The following TMEM35B variants were observed in gnomAD, a reference collection of about 807,000 sequenced individuals.
TMEM35B encodes the protein transmembrane protein 35B.
Under a neutral mutation model 8.7 loss-of-function variants are expected in TMEM35B, and 6 were observed. The observed-to-expected ratio is 0.69, with a 90% CI of 0.38 to 1.36. TMEM35B has a LOEUF of 1.36. TMEM35B is among the 40% of genes most tolerant of loss of function. The pLI is 0.02. For synonymous variants in TMEM35B, 89 were observed against 87.0 expected (o/e 1.02, Z -0.13); for missense variants, 176 against 181.6 (o/e 0.97, Z 0.18).
At chr1:34,983,306 T>A (rs1268831806) in intron 2 of TMEM35B, among the ~76,000 whole-genome samples, 1 of 152,016 alleles carries the variant, frequency 6.6e-6, no homozygotes, top group Non-Finnish European at 1.5e-5. Flanking sequence ...AGGCCGGGCA[T>A]AGTGGCTCAA....
Position 34,985,186 on chromosome 1 carries a change from C to G in TMEM35B, c.108+12G>C. 1 of 1,530,478 alleles carries G rather than the reference C, an allele frequency of 6.5e-7. No homozygotes were observed. 94.8% of individuals were successfully genotyped at this position (1,530,478 alleles called of 1,614,324 possible). On this transcript the variant is annotated intron_variant, in intron 1 of 2. Coordinates refer to ENST00000373337, the Ensembl canonical transcript of TMEM35B. ...CGGGCCCGATCCCCTGCCGCCCGCC[C>G]GCGCCGCTCACCATCCGCTCCGAAA...
chr1:34,985,151 C>A, intron 1 of TMEM35B, 47 bp downstream of exon 1: 4 of 1,454,758 alleles, frequency 2.7e-6, no homozygotes, highest in Non-Finnish European at 2.8e-6. Flanking sequence ...GGGCGGAGCA[C>A]ACGCCGCCGC....
Position 34,985,189 on chromosome 1 carries a change from G to A in TMEM35B, c.108+9C>T. On this transcript the variant is annotated intron_variant, in intron 1 of 2. Transcript: ENST00000373337. ...GCCCGATCCCCTGCCGCCCGCCCGCGCCGCTCACCATCCGCTCCGAAACTG... is the reference window on the plus strand; with the variant it reads ...GCCCGATCCCCTGCCGCCCGCCCGCACCGCTCACCATCCGCTCCGAAACTG... 1.3e-6 allele frequency: 2 copies of A among 1,528,846 alleles called. No homozygotes were observed. The highest frequency in any genetic ancestry group is 2.4e-5 in the South Asian group (2 of 82,516). 94.7% of individuals were successfully genotyped at this position (1,528,846 alleles called of 1,614,324 possible).
intron 2 of TMEM35B, among the ~76,000 whole-genome samples, chr1:34,983,300 C>T (rs1228977466): frequency 1.3e-5 from 2 of 152,032 alleles, no homozygotes; most frequent in African/African-American, 2.4e-5. Context: ...TGTGCTAGGC[C>T]GGGCATAGTG....
At chr1:34,981,753 G>T in exon 3 of TMEM35B, 1 of 396,146 alleles carries the variant, frequency 2.5e-6, no homozygotes, top group South Asian at 8.5e-5. Flanking sequence ...CATGAGGAAT[G>T]TTAATATGCA....
chr1:34,982,553 A>G (rs1288254001), intron 2 of TMEM35B, among the ~76,000 whole-genome samples: 1 of 146,518 alleles, frequency 6.8e-6, no homozygotes, highest in Admixed American at 7.1e-5. Flanking sequence ...TAGCTGGGCT[A>G]CTGGGTTCTG....
intron 1 of TMEM35B, among the ~76,000 whole-genome samples, chr1:34,984,451 C>T (rs1047529399): frequency 1.3e-5 from 2 of 152,216 alleles, no homozygotes; most frequent in Admixed American, 1.3e-4. Context: ...GTTCCCACTC[C>T]TCAGCTCTAC....
At chr1:34,981,772 A>G (rs1640509092) in exon 3 of TMEM35B, 3 of 480,322 alleles carry the variant, frequency 6.2e-6, no homozygotes, top group Middle Eastern at 5.7e-4. Context: ...CATAACATGT[A>G]CTCCTCACAA....
chr1:34,985,089 T>G, intron 1 of TMEM35B, 109 bp downstream of exon 1: 2 of 812,764 alleles, frequency 2.5e-6, no homozygotes, highest in Non-Finnish European at 3.5e-6. Context: ...CAGCTCCAGC[T>G]GAGCCTCGGA....
chr1:34,985,027 G>A lies in TMEM35B; in HGVS notation c.108+171C>T, dbSNP rs565601888. Among the ~76,000 whole-genome samples, 9 of 152,226 alleles carry A rather than the reference G, an allele frequency of 5.9e-5. No individual in the cohort carries two copies. In the East Asian group the frequency reaches 9.7e-4, roughly 16 times the overall value. ...TCTAGGGAAGATCCAGAGAACTCGA[G>A]GAACTCCCCAGGCAGGACCTGCGCC... On this transcript the variant is annotated intron_variant, in intron 1 of 2. Coordinates refer to ENST00000373337, the Ensembl canonical transcript of TMEM35B.
At chr1:34,982,183 G>T in intron 2 of TMEM35B, 64 bp from the exon 3 acceptor site, 3 of 1,453,562 alleles carry the variant, frequency 2.1e-6, no homozygotes, top group East Asian at 2.5e-5. Flanking sequence ...GGAGCTCAGG[G>T]CTCTCTAGTT....
chr1:34,984,669 CTTCCGAGAGAGGCTTCCCTCTCTGGG>C (rs1476264263), intron 1 of TMEM35B, among the ~76,000 whole-genome samples: 3 of 152,172 alleles, frequency 2.0e-5, no homozygotes, highest in Non-Finnish European at 4.4e-5. Context: ...CCCTCTCAGG[CTTCCGAGAGAGGCTTCCCTCTCTGGG>C]TTCCGAGTTA....
intron 2 of TMEM35B, 101 bp from the exon 3 acceptor site, chr1:34,982,220 C>G: frequency 9.3e-7 from 1 of 1,071,194 alleles, no homozygotes; most frequent in South Asian, 1.8e-5. Flanking sequence ...AGCCCAAGCC[C>G]TCCCATTAAA....
rs1044394344 is a variant in TMEM35B, at chr1:34,983,980, T to A, written c.109-33A>T. 3 of 1,433,192 alleles carry A rather than the reference T, an allele frequency of 2.1e-6. No individual in the cohort carries two copies. In the African/African-American group the frequency reaches 4.3e-5, roughly 21 times the overall value. The allele number at this position is 1,433,192 out of a possible 1,614,324, so 88.8% of individuals were successfully genotyped here. On this transcript the variant is annotated intron_variant, in intron 1 of 2. Transcript: ENST00000373337. The stretch of plus-strand genomic sequence containing the variant: ...TGGCAAGGAATGCCTGTTAGCCTCA[T>A]TGTTCAACAAGGATGAGCTCCCCAG...
At position 34,984,370 on chromosome 1, in the gene TMEM35B, T is replaced by C. The variant is rs185543873; in HGVS notation, c.109-423A>G. On this transcript the variant is annotated intron_variant, in intron 1 of 2. Coordinates refer to ENST00000373337, the Ensembl canonical transcript of TMEM35B. Reference sequence around the variant, plus strand: ...GAGTTAGGTGGGCTCAAAGTGACTCTTCTTGTCAAGGCAGGCCCTCCCCTG... The same window carrying C: ...GAGTTAGGTGGGCTCAAAGTGACTCCTCTTGTCAAGGCAGGCCCTCCCCTG... Among the ~76,000 whole-genome samples the C allele has an allele frequency of 2.8e-4, 43 of 152,346 alleles. No homozygotes were observed. The East Asian group carries it at 6.4e-3, about 23-fold the overall frequency.
chr1:34,981,539 G>C (rs1433856847), exon 3 of TMEM35B: 1 of 152,894 alleles, frequency 6.5e-6, no homozygotes, highest in African/African-American at 2.4e-5. Flanking sequence ...ATGAAACAGT[G>C]TTATAGTTTA....
intron 2 of TMEM35B, among the ~76,000 whole-genome samples, chr1:34,983,174 C>G (rs1393148979): frequency 6.6e-6 from 1 of 152,134 alleles, no homozygotes; most frequent in Non-Finnish European, 1.5e-5. Context: ...GGAGCAGAGG[C>G]GCTGAGCTTG....
intron 2 of TMEM35B, among the ~76,000 whole-genome samples, chr1:34,982,376 CG>C (rs1218701252): frequency 6.6e-6 from 1 of 150,980 alleles, no homozygotes; most frequent in Non-Finnish European, 1.5e-5. Flanking sequence ...AAGAAAGAAA[CG>C]GGAATGACCC....
exon 3 of TMEM35B, chr1:34,981,989 G>A: frequency 6.5e-7 from 1 of 1,549,650 alleles, no homozygotes; most frequent in Non-Finnish European, 8.7e-7. Flanking sequence ...TCTTCCTAGT[G>A]GGTCTGACCA....
Sources: allele counts gnomAD v4.1 joint callset (sites outside exome capture counted in the v4.1 genomes callset), GRCh38; gene constraint gnomAD v4.1.1; transcripts MANE v1.5; gene names NCBI Gene and HGNC (gene_info 2026-07-23, HGNC 2026-07-21).